Variants in ABCD3 observed in about 807,000 individuals in gnomAD.
The protein encoded by ABCD3 is ATP-binding cassette sub-family D member 3.
In ABCD3, 41 loss-of-function variants were observed where a neutral mutation model predicts 105.5. The ratio of observed to expected loss-of-function variants is 0.39; its 90% CI spans 0.30 to 0.50. ABCD3 has a LOEUF of 0.50. ABCD3 is among the 20% of genes least tolerant of loss of function. ABCD3 has a pLI of 0.84. For missense variants in ABCD3, 622 were observed against 806.3 expected (o/e 0.77, Z 2.77); for synonymous variants, 258 against 269.0 (o/e 0.96, Z 0.40).
chr1:94,452,251 T>G (rs959626424), intron 1 of ABCD3, among the ~76,000 whole-genome samples: 3 of 152,228 alleles, frequency 2.0e-5, no homozygotes, highest in Non-Finnish European at 4.4e-5. Flanking sequence ...AGTGCTGAAT[T>G]TTAAAGACGA....
chr1:94,485,879 A>C (rs1451977264), intron 10 of ABCD3, among the ~76,000 whole-genome samples: 1 of 152,194 alleles, frequency 6.6e-6, no homozygotes, highest in Non-Finnish European at 1.5e-5. Flanking sequence ...TTTTATAAGT[A>C]ATTTAGAGAT....
In ABCD3 at chr1:94,489,667, TAAAAG is replaced by T. The variant is rs146274993; in HGVS notation, c.1158-56_1158-52del. The T allele has an allele frequency of 1.2e-3, 1,414 of 1,220,098 alleles. 23 individuals carry two copies. The East Asian group carries it at 0.028, about 24-fold the overall frequency. The allele number at this position is 1,220,098 out of a possible 1,614,324, so 75.6% of individuals were successfully genotyped here. On this transcript the variant is annotated intron_variant, in intron 13 of 22. Transcript: ENST00000370214. ...TTTAGGAACTTCAGTTTGTATAAAA[TAAAAG>T]ATGTGACAATAGTCTGGAGTTTTGA... is the stretch of plus-strand genomic sequence containing the variant.
chr1:94,505,954 A>G (rs1258604435), intron 20 of ABCD3, among the ~76,000 whole-genome samples: 2 of 152,240 alleles, frequency 1.3e-5, no homozygotes, highest in African/African-American at 2.4e-5. Flanking sequence ...ACATGGGAAC[A>G]TAAATGTAGG....
the ABCD3 span, among the ~76,000 whole-genome samples, chr1:94,407,741 C>A: frequency 6.6e-6 from 1 of 152,174 alleles, no homozygotes; most frequent in Non-Finnish European, 1.5e-5. Context: ...CGATGGTCAG[C>A]AAACTATAGC....
intron 21 of ABCD3, among the ~76,000 whole-genome samples, chr1:94,508,681 G>A (rs1650493709): frequency 6.7e-6 from 1 of 150,362 alleles, no homozygotes; most frequent in African/African-American, 2.4e-5. Context: ...GCAGTGGTTT[G>A]TAGTTCTCCT....
chr1:94,408,080 T>G, the ABCD3 span, among the ~76,000 whole-genome samples: 2 of 152,216 alleles, frequency 1.3e-5, no homozygotes, highest in Non-Finnish European at 1.5e-5. Flanking sequence ...GAACTTTTCC[T>G]GAAGGAACTC....
chr1:94,422,799 G>A (rs1659309933), intron 1 of ABCD3, among the ~76,000 whole-genome samples: 3 of 152,324 alleles, frequency 2.0e-5, no homozygotes, highest in Middle Eastern at 3.4e-3. Context: ...TATATAACCT[G>A]ACCTGGGTAG....
chr1:94,504,119 G>T (rs912544510), intron 20 of ABCD3, among the ~76,000 whole-genome samples: 1 of 151,774 alleles, frequency 6.6e-6, no homozygotes, highest in Non-Finnish European at 1.5e-5. Context: ...CACTATGTTG[G>T]CCAGGCTTGT....
Position 94,498,990 on chromosome 1 carries a change from C to T in ABCD3, c.1576C>T (p.Pro526Ser). 1 of 1,613,870 alleles carries T rather than the reference C, an allele frequency of 6.2e-7. No individual in the cohort carries two copies. The highest frequency in any genetic ancestry group is 8.5e-7 in the Non-Finnish European group (1 of 1,179,938). ...AACACTTCGAGATCAAGTGATATAT[C>T]CAGATGGACGAGAAGATCAGAAAAG... Reference protein sequence around the residue: ...LGTLRDQVIYPDGREDQKRKG... With the variant: ...LGTLRDQVIYSDGREDQKRKG... Residue 526 changes from proline to serine, a missense_variant, in exon 19 of 23, where the codon CCA (proline) becomes TCA (serine). Physicochemically the swap from Pro to Ser is moderately conservative, Grantham distance 74. This residue lies in a region of ABCD3 where 285 missense variants were observed against 352.5 expected (regional missense o/e 0.81). Coordinates refer to ENST00000370214, the MANE Select transcript of ABCD3 (RefSeq NM_002858.4).
At chr1:94,401,775 G>A in the ABCD3 span, among the ~76,000 whole-genome samples, 1 of 152,218 alleles carries the variant, frequency 6.6e-6, no homozygotes, top group South Asian at 2.1e-4. Flanking sequence ...TGATTAGTTA[G>A]CTTGTTTGCT....
chr1:94,408,310 C>T, the ABCD3 span, among the ~76,000 whole-genome samples: 3 of 151,934 alleles, frequency 2.0e-5, no homozygotes, highest in African/African-American at 4.8e-5. Flanking sequence ...AAGGCTGCTG[C>T]GATGGCTCAT....
At chr1:94,516,435 C>A (rs1186731489) in intron 22 of ABCD3, among the ~76,000 whole-genome samples, 1 of 151,708 alleles carries the variant, frequency 6.6e-6, no homozygotes, top group Non-Finnish European at 1.5e-5. Context: ...TATAGCCAAG[C>A]CTTTATGTTT....
At chr1:94,406,335 G>GTT in the ABCD3 span, 1,165 of 179,030 alleles carry the variant, frequency 6.5e-3, 51 homozygotes, top group East Asian at 0.012. Context: ...ATAGTATTTT[G>GTT]TTTTGTTTTT....
chr1:94,448,717 C>G (rs1017678747), intron 1 of ABCD3, among the ~76,000 whole-genome samples: 3 of 152,188 alleles, frequency 2.0e-5, no homozygotes, highest in African/African-American at 2.4e-5. Flanking sequence ...GGCATTCCAG[C>G]TTCTATTAAA....
the ABCD3 span, among the ~76,000 whole-genome samples, chr1:94,394,497 T>C: frequency 1.3e-5 from 2 of 152,154 alleles, no homozygotes; most frequent in Admixed American, 1.3e-4. Context: ...CTTGCAAAAA[T>C]CCACATTCAT....
chr1:94,490,500 T>C (rs1649478982), intron 15 of ABCD3, among the ~76,000 whole-genome samples: 1 of 152,050 alleles, frequency 6.6e-6, no homozygotes, highest in African/African-American at 2.4e-5. Flanking sequence ...GTTTCTCTTT[T>C]TGTGTCTTGC....
chr1:94,437,198 T>C (rs567225182), intron 1 of ABCD3, among the ~76,000 whole-genome samples: 1 of 152,336 alleles, frequency 6.6e-6, no homozygotes, highest in African/African-American at 2.4e-5. Context: ...TGGACTATAC[T>C]AAACTACAGG....
At chr1:94,398,702 G>T in the ABCD3 span, among the ~76,000 whole-genome samples, 8 of 152,122 alleles carry the variant, frequency 5.3e-5, no homozygotes, top group Admixed American at 2.0e-4. Flanking sequence ...TCATGAGGTC[G>T]GGAGTTAGAG....
rs772834285 is a variant in ABCD3 at position 94,473,820 on chromosome 1, C to T, written c.390C>T (p.Ile130=). The T allele has an allele frequency of 1.1e-5, 17 of 1,612,032 alleles. No individual in the cohort carries two copies. The highest frequency in any genetic ancestry group is 3.3e-5 in the South Asian group (3 of 90,978). Residue 130 remains isoleucine (I), a synonymous_variant, in exon 5 of 23, where the codon ATC becomes ATT. Transcript: ENST00000370214. The part of the protein sequence containing the change: ...KDFKRYLLNF[I]AAMPLISLVN... ...TCAAGAGATACTTACTCAACTTCAT[C>T]GCTGCCATGCCTCTTGTAAGTTTAA...
Sources: gnomAD v4.1 joint callset for allele counts (sites outside exome capture counted in the v4.1 genomes callset) on GRCh38, gnomAD v4.1.1 for gene constraint, gnomAD v4.1.1 regional missense constraint, MANE v1.5 for transcripts, NCBI Gene and HGNC (gene_info 2026-07-23, HGNC 2026-07-21) for gene names.